SCARF2: variants seen among roughly 807,000 people sequenced by gnomAD.
SCARF2 encodes the protein scavenger receptor expressed by endothelial cells 2 protein.
Under a neutral mutation model 73.4 loss-of-function variants are expected in SCARF2, and 39 were observed. That is an observed-to-expected ratio of 0.53 (90% CI 0.41 to 0.69). SCARF2 has a LOEUF of 0.69. SCARF2 is among the 30% of genes least tolerant of loss of function. The pLI, the probability that SCARF2 is intolerant of heterozygous loss-of-function variation, is 0.00. For missense variants in SCARF2, 1,148 were observed against 1,303.5 expected, an observed-to-expected ratio of 0.88 and a Z score of 1.84; for synonymous variants, 605 against 590.0, an observed-to-expected ratio of 1.03 and a Z score of -0.37.
chr22:20,437,067 C>A (rs868378505), intron 1 of SCARF2, among the ~76,000 whole-genome samples: 1 of 152,134 alleles, frequency 6.6e-6, no homozygotes, highest in Non-Finnish European at 1.5e-5. Context: ...TCGCCTGGGT[C>A]ACCACCCTCC....
chr22:20,435,627 G>A (rs1368161207), intron 1 of SCARF2, among the ~76,000 whole-genome samples: 1 of 152,148 alleles, frequency 6.6e-6, no homozygotes, highest in Non-Finnish European at 1.5e-5. Context: ...CCTCTGCCTT[G>A]GGAACCTTGC....
intron 1 of SCARF2, among the ~76,000 whole-genome samples, chr22:20,433,088 C>T (rs1187845736): frequency 6.6e-6 from 1 of 152,238 alleles, no homozygotes; most frequent in Non-Finnish European, 1.5e-5. Context: ...TACCGCAGCA[C>T]TTCAGGAGAG....
At chr22:20,426,424 G>T in intron 10 of SCARF2, 142 bp from the exon 11 acceptor site, 1 of 862,124 alleles carries the variant, frequency 1.2e-6, no homozygotes, top group Non-Finnish European at 1.7e-6. Flanking sequence ...GCCTGGCACA[G>T]AGCACCAACC....
rs764591169 is a variant in SCARF2, at chr22:20,429,267, G to A, written c.1498C>T (p.Pro500Ser). ...GRFSRISMKLPRIPLRRQKLP... is the reference protein window; with the variant it reads ...GRFSRISMKLSRIPLRRQKLP... ...TTCTGCCTCCGGAGCGGGATCCGGG[G>A]CAGCTTCATGCTGATGCGACTGAAG... The change falls in exon 9 of 11, where the codon CCC becomes TCC. Residue 500 changes from proline to serine, a missense_variant. Coordinates refer to ENST00000622235, the MANE Select transcript of SCARF2 (RefSeq NM_182895.5). The surrounding 1 kb of genome is among the most constrained non-coding windows in gnomAD (Gnocchi z 5.2). The A allele has an allele frequency of 1.2e-6, 2 of 1,613,794 alleles. No homozygotes were observed. The highest frequency in any genetic ancestry group is 1.7e-6 in the Non-Finnish European group (2 of 1,180,014).
rs926620576 is a variant in SCARF2, at chr22:20,437,680, C to A, written c.75G>T (p.Leu25=). Reference sequence around the variant, plus strand: ...GCAGCAGCAGCAGCAGCAGCGACGGCAGCAGCGGTGACGGCGGCCCCCCGG... The same window carrying A: ...GCAGCAGCAGCAGCAGCAGCGACGGAAGCAGCGGTGACGGCGGCCCCCCGG... The part of the protein sequence containing the change: ...RGAGGPPSPL[L]PSLLLLLLLW... Residue 25 remains leucine, a synonymous_variant, in exon 1 of 11, where the codon CTG becomes CTT. Transcript: ENST00000622235. 4.7e-6 allele frequency: 7 copies of A among 1,489,326 alleles called. No individual in the cohort carries two copies. The African/African-American group carries it at 7.3e-5, about 16-fold the overall frequency. 92.3% of individuals were successfully genotyped at this position (1,489,326 alleles called of 1,614,324 possible).
rs762527453 is a variant in SCARF2 at position 20,431,854 on chromosome 22, C to A, written c.233-8G>T. 1.3e-6 allele frequency: 2 copies of A among 1,596,940 alleles called. No individual in the cohort carries two copies. The highest frequency in any genetic ancestry group is 1.7e-6 in the Non-Finnish European group (2 of 1,172,840). On this transcript the variant is annotated splice_polypyrimidine_tract_variant and splice_region_variant and intron_variant, in intron 2 of 10. Coordinates refer to ENST00000622235, the MANE Select transcript of SCARF2 (RefSeq NM_182895.5). The stretch of plus-strand genomic sequence containing the variant: ...AGTTGCCTTCGCACACCGCTGTGGA[C>A]GAGACAGGCCAGAGCTGCTGCGCGT...
chr22:20,433,721 T>C (rs1438081630), intron 1 of SCARF2, among the ~76,000 whole-genome samples: 3 of 152,240 alleles, frequency 2.0e-5, no homozygotes, highest in Non-Finnish European at 2.9e-5. Flanking sequence ...GAGACAGGAA[T>C]ACAAAGGCCT....
chr22:20,426,181 C>A lies in SCARF2; in HGVS notation c.1795G>T (p.Ala599Ser). 6.6e-7 allele frequency: 1 copy of A among 1,508,814 alleles called. No individual in the cohort carries two copies. The highest frequency in any genetic ancestry group is 8.8e-7 in the Non-Finnish European group (1 of 1,134,466). The allele number at this position is 1,508,814 out of a possible 1,614,324, so 93.5% of individuals were successfully genotyped here. Reference sequence around the variant, plus strand: ...TCGGAGGACGCGGGGAGGGGTATCGCCTCCTCGGCGGAGGCTGGCGTGGTC... The same window carrying A: ...TCGGAGGACGCGGGGAGGGGTATCGACTCCTCGGCGGAGGCTGGCGTGGTC... Reference protein sequence around the residue: ...PLTTPASAEEAIPLPASSDSE... With the variant: ...PLTTPASAEESIPLPASSDSE... Residue 599 changes from alanine to serine, a missense_variant, in exon 11 of 11, where the codon GCG becomes TCG. Transcript: ENST00000622235.
rs150174066 is a variant in SCARF2, at chr22:20,436,895, C to T, written c.173+687G>A. Among the ~76,000 whole-genome samples, 290 of 152,346 alleles carry T rather than the reference C, an allele frequency of 1.9e-3. 2 individuals carry two copies. The East Asian group carries it at 0.032, about 17-fold the overall frequency. On this transcript the variant is annotated intron_variant, in intron 1 of 10. Transcript: ENST00000622235. ...GGGCCTGTCGCCTGCCTGTCCCACACTGGCTTCCCCAGCCGGCGCCCCACA... is the reference window on the plus strand; with the variant it reads ...GGGCCTGTCGCCTGCCTGTCCCACATTGGCTTCCCCAGCCGGCGCCCCACA...
rs1464959089 is a variant in SCARF2, at chr22:20,431,994, A to G, written c.174-6T>C. 13 of 1,607,406 alleles carry G rather than the reference A, an allele frequency of 8.1e-6. No homozygotes were observed. Among genetic ancestry groups the G allele is most frequent in the Non-Finnish European group, 8.5e-6 (10 of 1,178,442 alleles). ...AGCACGTGGGCACCTGGGAGCTGCG[A>G]GCAGAGGGAGGACATCTAAGCCCGA... On this transcript the variant is annotated splice_region_variant and splice_polypyrimidine_tract_variant and intron_variant, in intron 1 of 10. Coordinates refer to ENST00000622235, the MANE Select transcript of SCARF2 (RefSeq NM_182895.5).
At chr22:20,430,648 G>T in intron 5 of SCARF2, 42 bp downstream of exon 5, 1 of 1,599,418 alleles carries the variant, frequency 6.3e-7, no homozygotes, top group East Asian at 2.3e-5. Flanking sequence ...GAGGCAGGGC[G>T]GGGGACTGCG....
At chr22:20,435,403 A>G (rs555893209) in intron 1 of SCARF2, among the ~76,000 whole-genome samples, 1 of 152,174 alleles carries the variant, frequency 6.6e-6, no homozygotes, top group East Asian at 1.9e-4. Context: ...CAGGGTGCGA[A>G]GTGTTTGCCA....
chr22:20,435,263 C>T (rs9610934), intron 1 of SCARF2, among the ~76,000 whole-genome samples: 2 of 152,178 alleles, frequency 1.3e-5, no homozygotes, highest in Non-Finnish European at 1.5e-5. Flanking sequence ...AGAAAAAAGA[C>T]GCTGAGCTCT....
At chr22:20,430,365 C>T (rs1419768717) in intron 6 of SCARF2, 64 bp downstream of exon 6, 30 of 1,532,706 alleles carry the variant, frequency 2.0e-5, no homozygotes, top group Admixed American at 3.8e-5. Context: ...GCCACCTCGT[C>T]GGCTGGACCC....
rs1396003893 is a variant in SCARF2, at chr22:20,429,637, C to G, written c.1323G>C (p.Lys441Asn). Residue 441 changes from lysine (K) to asparagine (N), a missense_variant, in exon 8 of 11, where the codon AAG becomes AAC. Transcript: ENST00000622235. The surrounding 1 kb of genome is among the most constrained non-coding windows in gnomAD (Gnocchi z 5.2). ...GCAGCGCGCCCGCGCCCATCACGCC[C>G]TTGCGCTGGTTGGTTTCTGTAGGGG... The part of the protein sequence containing the change: ...GACHLETNQR[K>N]GVMGAGALLV... 2 of 1,613,800 alleles carry G rather than the reference C, an allele frequency of 1.2e-6. No individual in the cohort carries two copies. Among genetic ancestry groups the G allele is most frequent in the East Asian group, 2.2e-5 (1 of 44,878 alleles).
chr22:20,425,113 C>T lies in SCARF2; in HGVS notation c.*262G>A, dbSNP rs888583061. ...CCAATGAGACGCTGTCTGGTCGGAG[C>T]GCTCCATAACTCGGCCAATGGGGAG... On this transcript the variant is annotated 3_prime_UTR_variant, in exon 11 of 11. Coordinates refer to ENST00000622235, the MANE Select transcript of SCARF2 (RefSeq NM_182895.5). This position sits in a 1 kb window ranked among gnomAD's most constrained non-coding sequence, Gnocchi z 4.6. The T allele has an allele frequency of 2.6e-6, 1 of 385,226 alleles. No homozygotes were observed. 23.9% of individuals were successfully genotyped at this position (385,226 alleles called of 1,614,324 possible). A position where few individuals can be genotyped will look rare whatever the true frequency, so the allele number is the denominator to read the frequency against.
chr22:20,425,821 G>T lies in SCARF2; in HGVS notation c.2155C>A (p.Pro719Thr). 1.3e-6 allele frequency: 2 copies of T among 1,547,598 alleles called. No individual in the cohort carries two copies. The change falls in exon 11 of 11, where the codon CCA becomes ACA. Residue 719 changes from proline (P) to threonine (T), a missense_variant. Pro to Thr is a conservative substitution (Grantham distance 38). Coordinates refer to ENST00000622235, the MANE Select transcript of SCARF2 (RefSeq NM_182895.5). This position sits in a 1 kb window ranked among gnomAD's most constrained non-coding sequence, Gnocchi z 4.6. ...VEHGSPRTRD[P>T]TPRPPGLPEE... Reference sequence around the variant, plus strand: ...GGCAGCCCGGGGGGCCGCGGCGTTGGGTCGCGGGTCCGGGGGCTGCCGTGT... The same window carrying T: ...GGCAGCCCGGGGGGCCGCGGCGTTGTGTCGCGGGTCCGGGGGCTGCCGTGT...
intron 10 of SCARF2, 65 bp from the exon 11 acceptor site, chr22:20,426,347 G>T: frequency 2.0e-6 from 3 of 1,508,852 alleles, no homozygotes; most frequent in Non-Finnish European, 2.7e-6. Flanking sequence ...CAACCTCCAG[G>T]CGCAAACCTT....
intron 1 of SCARF2, among the ~76,000 whole-genome samples, chr22:20,434,926 C>T (rs1394761551): frequency 6.6e-6 from 1 of 152,178 alleles, no homozygotes; most frequent in Non-Finnish European, 1.5e-5. Flanking sequence ...GACACCTCTC[C>T]TCTGGTTTCT....
Sources: gnomAD v4.1 joint callset for allele counts (sites outside exome capture counted in the v4.1 genomes callset) on GRCh38, gnomAD v4.1.1 for gene constraint, Gnocchi (gnomAD v3.1) non-coding constraint, MANE v1.5 for transcripts, NCBI Gene and HGNC (gene_info 2026-07-23, HGNC 2026-07-21) for gene names.